The following P4HA3 variants were observed in gnomAD, a reference collection of about 807,000 sequenced individuals.
P4HA3 encodes prolyl 4-hydroxylase subunit alpha-3.
In P4HA3, 60 loss-of-function variants were observed where a neutral mutation model predicts 66.7. That is an observed-to-expected ratio of 0.90 (90% CI 0.73 to 1.12). The LOEUF (loss-of-function observed/expected upper bound fraction) is 1.12, where lower values mean the gene tolerates loss of function less well. Among genes scored for constraint, P4HA3 ranks in the 50% most tolerant of loss-of-function variants. P4HA3 has a pLI of 0.00. For missense variants in P4HA3, 683 were observed against 685.8 expected (o/e 1.00, Z 0.05); for synonymous variants, 263 against 274.6 (o/e 0.96, Z 0.42).
In P4HA3 at chr11:74,304,218, G is replaced by C. The variant is rs376358318; in HGVS notation, c.343+52C>G. 2.5e-6 allele frequency: 4 copies of C among 1,588,784 alleles called. No individual in the cohort carries two copies. In the Admixed American group the frequency reaches 5.1e-5, roughly 20 times the overall value. ...CAACAGAATCTCTCTCCTTACCACC[G>C]AGTCAGGAGATAGAATCTTCTCTCT... On this transcript the variant is annotated intron_variant, in intron 2 of 12. Coordinates refer to ENST00000331597, the MANE Select transcript of P4HA3 (RefSeq NM_182904.5).
At chr11:74,270,043 G>T (rs750410057) in intron 10 of P4HA3, among the ~76,000 whole-genome samples, 2 of 151,750 alleles carry the variant, frequency 1.3e-5, no homozygotes, top group Non-Finnish European at 2.9e-5. Context: ...TTTAAATAAT[G>T]ACCCAAGACA....
intron 15 of P4HA3, chr11:74,251,460 C>G: frequency 7.0e-7 from 1 of 1,424,612 alleles, no homozygotes; most frequent in Non-Finnish European, 9.2e-7. Context: ...CTATCCCTGG[C>G]AAGGATAGTG....
intron 7 of P4HA3, among the ~76,000 whole-genome samples, chr11:74,279,900 C>A (rs989152529): frequency 6.6e-6 from 1 of 152,198 alleles, no homozygotes; most frequent in East Asian, 1.9e-4. Flanking sequence ...AGGAAACTCT[C>A]TACACTCAGA....
downstream of P4HA3, among the ~76,000 whole-genome samples, chr11:74,266,415 C>T (rs1350277802): frequency 1.3e-5 from 2 of 152,186 alleles, no homozygotes; most frequent in African/African-American, 4.8e-5. Context: ...ACACCTAACA[C>T]AATGTAAATG....
intron 9 of P4HA3, among the ~76,000 whole-genome samples, chr11:74,276,023 C>T (rs1437361922): frequency 6.6e-6 from 1 of 152,154 alleles, no homozygotes; most frequent in African/African-American, 2.4e-5. Flanking sequence ...AGCTGGAGGC[C>T]ATTATCCTAA....
chr11:74,300,989 T>C (rs1365115230), intron 3 of P4HA3, among the ~76,000 whole-genome samples: 2 of 152,082 alleles, frequency 1.3e-5, no homozygotes, highest in African/African-American at 2.4e-5. Flanking sequence ...ATTCCACAGA[T>C]ACAATGTGCT....
chr11:74,252,251 GTT>G (rs1249533305), intron 15 of P4HA3, among the ~76,000 whole-genome samples: 2 of 118,454 alleles, frequency 1.7e-5, no homozygotes, highest in Admixed American at 8.5e-5. Context: ...TTTTTTTTTT[GTT>G]TTTTTTTTTT....
intron 12 of P4HA3, 40 bp downstream of exon 12, chr11:74,268,105 C>G: frequency 3.8e-6 from 6 of 1,563,374 alleles, no homozygotes; most frequent in Non-Finnish European, 5.3e-6. Context: ...CTACTCTGCA[C>G]CCTGTACCCC....
intron 11 of P4HA3, among the ~76,000 whole-genome samples, chr11:74,268,841 C>T (rs1860088110): frequency 6.6e-6 from 1 of 152,184 alleles, no homozygotes; most frequent in African/African-American, 2.4e-5. Context: ...TTCCCCCATA[C>T]ACGGCTTCTT....
At position 74,286,398 on chromosome 11, in the gene P4HA3, G is replaced by T; in HGVS notation, c.770-7C>A. 6.5e-7 allele frequency: 1 copy of T among 1,529,800 alleles called. No homozygotes were observed. Among genetic ancestry groups the T allele is most frequent in the Non-Finnish European group, 8.8e-7 (1 of 1,139,984 alleles). The allele number at this position is 1,529,800 out of a possible 1,614,324, so 94.8% of individuals were successfully genotyped here. On this transcript the variant is annotated splice_polypyrimidine_tract_variant and splice_region_variant and intron_variant, in intron 5 of 12. Transcript: ENST00000331597. ...ATCCTCTTATTATCTGGGCCTGGAA[G>T]AAATCAGAGCAGGGAATATAAAATA...
At chr11:74,287,209 A>G in intron 5 of P4HA3, 2 of 1,287,690 alleles carry the variant, frequency 1.6e-6, no homozygotes, top group Middle Eastern at 2.2e-4. Context: ...AATGCATCTC[A>G]GAAGGAGATG....
chr11:74,286,137 C>T lies in P4HA3; in HGVS notation c.933+91G>A, dbSNP rs962999508. ...CAAGTGAGCTTTATTGTTTTTAATGCATCAGCTCTATCCCCTCATGTTATC... is the reference window on the plus strand; with the variant it reads ...CAAGTGAGCTTTATTGTTTTTAATGTATCAGCTCTATCCCCTCATGTTATC... On this transcript the variant is annotated intron_variant, in intron 6 of 12. Transcript: ENST00000331597. The T allele has an allele frequency of 5.3e-6, 8 of 1,505,084 alleles. No homozygotes were observed. The Admixed American group carries it at 1.5e-4, about 29-fold the overall frequency. 93.2% of individuals were successfully genotyped at this position (1,505,084 alleles called of 1,614,324 possible). A position where few individuals can be genotyped will look rare whatever the true frequency, so the allele number is the denominator to read the frequency against.
rs754426112 is a variant in P4HA3 at position 74,311,517 on chromosome 11, G to A, written c.95C>T (p.Ser32Leu). The change falls in exon 1 of 13, where the codon TCG (serine) becomes TTG (leucine). Residue 32 changes from serine (S) to leucine (L), a missense_variant. By Grantham distance (145) the Ser-to-Leu change is moderately radical. Transcript: ENST00000331597. ...ERAAARGDTFSALTSVARALA... is the reference protein window; with the variant it reads ...ERAAARGDTFLALTSVARALA... ...GGCGCGCGCCACGCTGGTCAGCGCCGAGAACGTGTCGCCCCGAGCCGCAGC... is the reference window on the plus strand; with the variant it reads ...GGCGCGCGCCACGCTGGTCAGCGCCAAGAACGTGTCGCCCCGAGCCGCAGC... 6 of 1,541,642 alleles carry A rather than the reference G, an allele frequency of 3.9e-6. No individual in the cohort carries two copies. The highest frequency in any genetic ancestry group is 5.2e-6 in the Non-Finnish European group (6 of 1,152,712).
At chr11:74,260,481 C>G (rs1018280624) in intron 14 of P4HA3, among the ~76,000 whole-genome samples, 3 of 152,080 alleles carry the variant, frequency 2.0e-5, no homozygotes, top group Admixed American at 6.5e-5. Flanking sequence ...GGGAGGGGGG[C>G]CCCTTAGGGG....
intron 8 of P4HA3, among the ~76,000 whole-genome samples, chr11:74,277,953 G>A (rs1393830658): frequency 1.3e-5 from 2 of 152,204 alleles, no homozygotes; most frequent in Non-Finnish European, 2.9e-5. Context: ...TTCAAATAGA[G>A]TGCAAGCAGA....
intron 4 of P4HA3, among the ~76,000 whole-genome samples, chr11:74,295,053 T>C (rs1370004806): frequency 6.6e-6 from 1 of 152,188 alleles, no homozygotes; most frequent in Non-Finnish European, 1.5e-5. Flanking sequence ...TATTCGGCCA[T>C]CTTGGCTCCT....
chr11:74,270,221 A>T (rs911900547), intron 10 of P4HA3, among the ~76,000 whole-genome samples: 1 of 152,144 alleles, frequency 6.6e-6, no homozygotes, highest in African/African-American at 2.4e-5. Flanking sequence ...AATTAATCTC[A>T]CAACCTATAA....
rs115095399 is a variant in P4HA3 at position 74,273,889 on chromosome 11, T to C, written c.1336-282A>G. ...ACTATATGAGGGGTTAATTGCACCT[T>C]TGAGTTCTCTGTGAAATATAGAAAT... is the stretch of plus-strand genomic sequence containing the variant. On this transcript the variant is annotated intron_variant, in intron 9 of 12. Coordinates refer to ENST00000331597, the MANE Select transcript of P4HA3 (RefSeq NM_182904.5). Among the ~76,000 whole-genome samples, 344 of 152,264 alleles carry C rather than the reference T, an allele frequency of 2.3e-3. 2 individuals carry two copies. The highest frequency in any genetic ancestry group is 7.8e-3 in the African/African-American group (324 of 41,542).
intron 7 of P4HA3, among the ~76,000 whole-genome samples, chr11:74,280,942 C>T (rs944722545): frequency 2.0e-5 from 3 of 152,100 alleles, no homozygotes; most frequent in African/African-American, 7.2e-5. Context: ...GAACAGGCAA[C>T]CTACAAAATG....
Sources: gnomAD v4.1 joint callset for allele counts (sites outside exome capture counted in the v4.1 genomes callset) on GRCh38, gnomAD v4.1.1 for gene constraint, MANE v1.5 for transcripts, NCBI Gene and HGNC (gene_info 2026-07-23, HGNC 2026-07-21) for gene names.